The following PRDM4 variants were observed in gnomAD, a reference collection of about 807,000 sequenced individuals.
The protein encoded by PRDM4 is PR/SET domain 4.
Under a neutral mutation model 62.3 loss-of-function variants are expected in PRDM4, and 38 were observed. The observed-to-expected ratio is 0.61, with a 90% CI of 0.47 to 0.80. The LOEUF is 0.80. Ranked by LOEUF, PRDM4 falls within the 30% of genes least tolerant of loss-of-function variation. The pLI is 0.00. For missense variants in PRDM4, 858 were observed against 997.1 expected (o/e 0.86, Z 1.88); for synonymous variants, 339 against 348.2 (o/e 0.97, Z 0.30).
Position 107,746,352 on chromosome 12 carries a change from G to T in PRDM4, c.1199C>A (p.Thr400Asn), listed in dbSNP as rs767487163. ...EHGPVTFVPD[T>N]PIESRARLSL... ...AAGCCTTGCTCTGCTCTCTATTGGA[G>T]TGTCAGGAACAAAAGTCACTGGTCC... The change falls in exon 6 of 12, where the codon ACT becomes AAT. Residue 400 changes from threonine to asparagine, a missense_variant. This residue lies in a region of PRDM4 where 499 missense variants were observed against 546.7 expected (regional missense o/e 0.91). Coordinates refer to ENST00000228437, the MANE Select transcript of PRDM4 (RefSeq NM_012406.4). 6.2e-7 allele frequency: 1 copy of T among 1,613,790 alleles called. No homozygotes were observed. The highest frequency in any genetic ancestry group is 8.5e-7 in the Non-Finnish European group (1 of 1,179,866).
chr12:107,740,904 A>C (rs1176526153), intron 10 of PRDM4, 42 bp downstream of exon 10: 2 of 1,574,018 alleles, frequency 1.3e-6, no homozygotes, highest in African/African-American at 2.7e-5. Flanking sequence ...GCATTTTCTA[A>C]TTGTTGCAAA....
At position 107,734,607 on chromosome 12, in the gene PRDM4, T is replaced by C. The variant is rs999630885; in HGVS notation, c.2094-85A>G. ...ACTTATTCTTCATAGCCGCAGGCCT[T>C]TGTCAGAGCAGCTCTATCCTTCTGA... On this transcript the variant is annotated intron_variant, in intron 11 of 11. Transcript: ENST00000228437. 7 of 1,296,598 alleles carry C rather than the reference T, an allele frequency of 5.4e-6. No individual in the cohort carries two copies. The African/African-American group carries it at 1.0e-4, about 19-fold the overall frequency. 80.3% of individuals were successfully genotyped at this position (1,296,598 alleles called of 1,614,324 possible). A position where few individuals can be genotyped will look rare whatever the true frequency, so the allele number is the denominator to read the frequency against.
At chr12:107,739,718 C>T (rs1890451969) in intron 10 of PRDM4, 167 bp from the exon 11 acceptor site, 1 of 546,812 alleles carries the variant, frequency 1.8e-6, no homozygotes. Flanking sequence ...TCAAGAGCTC[C>T]TGAGTTTATA....
chr12:107,756,275 G>C (rs1056517322), intron 3 of PRDM4, among the ~76,000 whole-genome samples: 1 of 152,160 alleles, frequency 6.6e-6, no homozygotes. Context: ...AAAAAGGATA[G>C]GAAGAATGAA....
intron 11 of PRDM4, chr12:107,738,447 T>A (rs1182444379): frequency 6.6e-6 from 1 of 152,180 alleles, no homozygotes. Context: ...AAGCCAAGTG[T>A]TTATCCAAAT....
intron 5 of PRDM4, 33 bp downstream of exon 5, chr12:107,751,382 T>C (rs1890887715): frequency 6.4e-7 from 1 of 1,564,136 alleles, no homozygotes; most frequent in Non-Finnish European, 8.7e-7. Context: ...TTTTTACAAA[T>C]ATTTCCAAAA....
At position 107,760,507 on chromosome 12, in the gene PRDM4, G is replaced by A. The variant is rs750802206; in HGVS notation, c.9C>T (p.His3=). The change falls in exon 2 of 12, where the codon CAC becomes CAT. Residue 3 remains histidine (H), a splice_region_variant and synonymous_variant. Coordinates refer to ENST00000228437, the MANE Select transcript of PRDM4 (RefSeq NM_012406.4). ...CTGAAGCCCACCTCCCTACTCACCT[G>A]TGATGCATCGGCTTGGGGCCAAATA... MH[H]RMNEMNLSPV... is the part of the protein sequence containing the mutation. 3.1e-6 allele frequency: 5 copies of A among 1,613,542 alleles called. No homozygotes were observed. Among genetic ancestry groups the A allele is most frequent in the Non-Finnish European group, 1.7e-6 (2 of 1,179,744 alleles).
chr12:107,734,238 G>A lies in PRDM4; in HGVS notation c.2378C>T (p.Ala793Val), dbSNP rs148995492. The stretch of plus-strand genomic sequence containing the variant: ...TTTATGTGCAGAAAGAGACTCATCC[G>A]CTGAATACACAGCACTGTTAATCCT... The part of the protein sequence containing the change: ...DCRINSAVYS[A>V]DESLSAHK The change falls in exon 12 of 12, where the codon GCG becomes GTG. Residue 793 changes from alanine to valine, a missense_variant. Around this residue, in one of 3 missense-constraint regions of PRDM4, gnomAD observed 355 missense variants for 432.6 expected, o/e 0.82. Coordinates refer to ENST00000228437, the MANE Select transcript of PRDM4 (RefSeq NM_012406.4). 2.1e-5 allele frequency: 34 copies of A among 1,609,534 alleles called. No individual in the cohort carries two copies. Among genetic ancestry groups the A allele is most frequent in the Middle Eastern group, 1.7e-4 (1 of 6,060 alleles).
rs1409252164 is a variant in PRDM4 at position 107,744,584 on chromosome 12, C to A, written c.1354G>T (p.Val452Leu). 1.9e-6 allele frequency: 3 copies of A among 1,613,866 alleles called. No individual in the cohort carries two copies. The South Asian group carries it at 3.3e-5, about 18-fold the overall frequency. Residue 452 changes from valine (V) to leucine (L), a missense_variant, in exon 7 of 12, where the codon GTA (valine) becomes TTA (leucine). Physicochemically the swap from Val to Leu is conservative, Grantham distance 32. This residue lies in a region of PRDM4 where 355 missense variants were observed against 432.6 expected (regional missense o/e 0.82). Transcript: ENST00000228437. ...LIGQQSHSME[V>L]AEWTDKAVNH... ...ACTGCCTTGTCTGTCCATTCTGCTA[C>A]TTCCATGGAGTGACTCTGCTGGCCA... is the stretch of plus-strand genomic sequence containing the variant.
chr12:107,760,874 G>C (rs1185327225), intron 1 of PRDM4, 83 bp downstream of exon 1: 1 of 157,638 alleles, frequency 6.3e-6, no homozygotes, highest in African/African-American at 2.5e-5. Flanking sequence ...CGCCACCCAA[G>C]GGCTGTGGAT....
intron 3 of PRDM4, chr12:107,754,975 T>A (rs1458793450): frequency 6.6e-6 from 1 of 152,054 alleles, no homozygotes; most frequent in Non-Finnish European, 1.5e-5. Context: ...TGAGATTATA[T>A]CTACTTTGAG....
Position 107,760,650 on chromosome 12 carries a change from T to A in PRDM4, c.-135A>T. 8.9e-7 allele frequency: 1 copy of A among 1,123,240 alleles called. No individual in the cohort carries two copies. Among genetic ancestry groups the A allele is most frequent in the South Asian group, 1.5e-5 (1 of 64,692 alleles). The allele number at this position is 1,123,240 out of a possible 1,614,324, so 69.6% of individuals were successfully genotyped here. A position where few individuals can be genotyped will look rare whatever the true frequency, so the allele number is the denominator to read the frequency against. On this transcript the variant is annotated 5_prime_UTR_variant, in exon 2 of 12. Coordinates refer to ENST00000228437, the MANE Select transcript of PRDM4 (RefSeq NM_012406.4). ...CCGACGCGGCCACTCGTCCCCGGGG[T>A]CGCCCGGGGCCGCCCAACTTCTCCC...
In PRDM4 at chr12:107,733,650, C is replaced by G. The variant is rs915431881; in HGVS notation, c.*560G>C. Reference sequence around the variant, plus strand: ...CGAAACTTTGGAAAACAAGATCTACCCTAAACTTCCAAGTGGCCAGGAGCA... The same window carrying G: ...CGAAACTTTGGAAAACAAGATCTACGCTAAACTTCCAAGTGGCCAGGAGCA... On this transcript the variant is annotated 3_prime_UTR_variant, in exon 12 of 12. Coordinates refer to ENST00000228437, the MANE Select transcript of PRDM4 (RefSeq NM_012406.4). The G allele has an allele frequency of 1.3e-5, 2 of 152,332 alleles. No homozygotes were observed. Among genetic ancestry groups the G allele is most frequent in the African/African-American group, 4.8e-5 (2 of 41,328 alleles). 9.4% of individuals were successfully genotyped at this position (152,332 alleles called of 1,614,324 possible). A position where few individuals can be genotyped will look rare whatever the true frequency, so the allele number is the denominator to read the frequency against.
chr12:107,743,690 T>A (rs1417191886), intron 7 of PRDM4, among the ~76,000 whole-genome samples: 1 of 152,220 alleles, frequency 6.6e-6, no homozygotes, highest in African/African-American at 2.4e-5. Flanking sequence ...AAATTTAAAG[T>A]TCCCAATGAC....
At chr12:107,741,729 A>G (rs1028265743) in intron 9 of PRDM4, among the ~76,000 whole-genome samples, 2 of 152,166 alleles carry the variant, frequency 1.3e-5, no homozygotes, top group Admixed American at 6.5e-5. Flanking sequence ...ACACACATAC[A>G]TAAGTAAAAT....
chr12:107,755,579 A>G (rs578007551), intron 3 of PRDM4, among the ~76,000 whole-genome samples: 1 of 152,198 alleles, frequency 6.6e-6, no homozygotes, highest in Non-Finnish European at 1.5e-5. Flanking sequence ...TTTATTAATT[A>G]AGCAAGTAAT....
chr12:107,742,947 T>C (rs1166484803), intron 8 of PRDM4, among the ~76,000 whole-genome samples: 1 of 151,946 alleles, frequency 6.6e-6, no homozygotes, highest in East Asian at 1.9e-4. Context: ...AAAACTTTTT[T>C]TAGAGATGAG....
At chr12:107,746,248 A>C (rs765900953) in intron 6 of PRDM4, 27 bp downstream of exon 6, 1 of 1,610,446 alleles carries the variant, frequency 6.2e-7, no homozygotes, top group Non-Finnish European at 8.5e-7. Context: ...GAGATGTAAT[A>C]GTGTTTTACA....
intron 11 of PRDM4, among the ~76,000 whole-genome samples, chr12:107,737,851 T>G (rs1457385705): frequency 6.6e-6 from 1 of 152,164 alleles, no homozygotes; most frequent in African/African-American, 2.4e-5. Flanking sequence ...TTGTCCCCCC[T>G]CACCCCAAAT....
Sources: allele counts gnomAD v4.1 joint callset (sites outside exome capture counted in the v4.1 genomes callset), GRCh38; gene constraint gnomAD v4.1.1; regional missense constraint gnomAD v4.1.1; transcripts MANE v1.5; gene names NCBI Gene and HGNC (gene_info 2026-07-23, HGNC 2026-07-21).